Variants in TSHZ3 observed in about 807,000 individuals in gnomAD.
TSHZ3 encodes teashirt homolog 3.
A neutral mutation model predicts 64.5 loss-of-function variants in TSHZ3; 10 were observed. The ratio of observed to expected loss-of-function variants is 0.16; its 90% CI spans 0.10 to 0.26. The LOEUF (loss-of-function observed/expected upper bound fraction) is 0.26, where lower values mean the gene tolerates loss of function less well. Ranked by LOEUF, TSHZ3 falls within the 10% of genes least tolerant of loss-of-function variation. TSHZ3 has a pLI of 1.00. For missense variants in TSHZ3, 1,242 were observed against 1,421.7 expected, an observed-to-expected ratio of 0.87 and a Z score of 2.03; for synonymous variants, 608 against 593.1, an observed-to-expected ratio of 1.03 and a Z score of -0.36.
At chr19:31,235,565 A>G (rs1014862716) in intron 3 of TSHZ3, among the ~76,000 whole-genome samples, 8 of 150,562 alleles carry the variant, frequency 5.3e-5, no homozygotes, top group African/African-American at 2.0e-4. Flanking sequence ...TGTGTGTATC[A>G]CATTTTCTTT....
Position 31,278,392 on chromosome 19 carries a change from A to G in TSHZ3, c.1401T>C (p.Asn467=), listed in dbSNP as rs752821034. 5.6e-6 allele frequency: 9 copies of G among 1,613,786 alleles called. No individual in the cohort carries two copies. The highest frequency in any genetic ancestry group is 1.7e-5 in the Admixed American group (1 of 59,992). ...TGTCGACTTCCTTCTTGACCTCCAC[A>G]TTCAGTTTTGGGGAGATGCTGGCAG... ...NTPASISPKL[N]VEVKKEVDKE... is the part of the protein sequence containing the mutation. The change falls in exon 2 of 2, where the codon AAT becomes AAC. Residue 467 remains asparagine, a synonymous_variant. Coordinates refer to ENST00000240587, the MANE Select transcript of TSHZ3 (RefSeq NM_020856.4). This position sits in a 1 kb window ranked among gnomAD's most constrained non-coding sequence, Gnocchi z 4.7.
chr19:31,320,050 G>A (rs180875458), intron 1 of TSHZ3, among the ~76,000 whole-genome samples: 2 of 151,260 alleles, frequency 1.3e-5, no homozygotes, highest in Admixed American at 6.5e-5. Context: ...TGACGTATTA[G>A]GGAGCTCACA....
chr19:31,304,067 C>G (rs953163821), intron 1 of TSHZ3, among the ~76,000 whole-genome samples: 1 of 151,962 alleles, frequency 6.6e-6, no homozygotes, highest in Non-Finnish European at 1.5e-5. Flanking sequence ...CTCCGCCTCC[C>G]GGGTTCAAGT....
intron 5 of TSHZ3, among the ~76,000 whole-genome samples, chr19:31,203,796 T>C (rs529765502): frequency 8.6e-5 from 13 of 151,962 alleles, no homozygotes; most frequent in African/African-American, 2.2e-4. Flanking sequence ...CCTTTCTTCT[T>C]CCCTCTCTCC....
At chr19:31,242,120 T>A (rs1975698613) in intron 3 of TSHZ3, among the ~76,000 whole-genome samples, 1 of 152,244 alleles carries the variant, frequency 6.6e-6, no homozygotes, top group South Asian at 2.1e-4. Flanking sequence ...TCCTCTCACA[T>A]ATGGCAGCCC....
chr19:31,209,228 C>T (rs576534710), intron 4 of TSHZ3, among the ~76,000 whole-genome samples: 10 of 152,356 alleles, frequency 6.6e-5, no homozygotes, highest in African/African-American at 2.4e-4. Flanking sequence ...TGAAAATTAA[C>T]TGATAGTCTA....
chr19:31,181,944 T>C (rs1396823911), intron 5 of TSHZ3, among the ~76,000 whole-genome samples: 1 of 152,152 alleles, frequency 6.6e-6, no homozygotes, highest in Non-Finnish European at 1.5e-5. Flanking sequence ...CAGAAGGAAC[T>C]GGAGTCCTGG....
intron 4 of TSHZ3, among the ~76,000 whole-genome samples, chr19:31,205,262 A>G (rs1036607122): frequency 6.6e-6 from 1 of 152,166 alleles, no homozygotes; most frequent in Non-Finnish European, 1.5e-5. Context: ...CTGCGATACC[A>G]CAATTTTTAT....
chr19:31,297,513 A>G (rs565772248), intron 1 of TSHZ3, among the ~76,000 whole-genome samples: 1 of 152,046 alleles, frequency 6.6e-6, no homozygotes, highest in African/African-American at 2.4e-5. Context: ...GTCTTGTTCC[A>G]TTGCCCACGC....
chr19:31,269,742 A>AC lies in TSHZ3; in HGVS notation n.64-26868dup, dbSNP rs36000007. On this transcript the variant is annotated intron_variant and non_coding_transcript_variant, in intron 1 of 6. Coordinates refer to the TSHZ3 transcript ENST00000651361. ...TGAAATGCAGTAATTTAAAAACTTA[A>AC]CCCCCCCAAATTTAAGAAGTCATTT... is the stretch of plus-strand genomic sequence containing the variant. Among the ~76,000 whole-genome samples the AC allele has an allele frequency of 9.0e-4, 137 of 152,004 alleles. No homozygotes were observed. In the South Asian group the frequency reaches 0.026, roughly 29 times the overall value.
At chr19:31,263,478 C>G (rs1391612372) in intron 1 of TSHZ3, among the ~76,000 whole-genome samples, 33 of 152,214 alleles carry the variant, frequency 2.2e-4, no homozygotes, top group Admixed American at 2.2e-3. Context: ...GCTGCGAAGG[C>G]ATGAAGGAAA....
At chr19:31,201,488 A>G (rs559012081) in intron 5 of TSHZ3, among the ~76,000 whole-genome samples, 13 of 152,346 alleles carry the variant, frequency 8.5e-5, no homozygotes, top group African/African-American at 3.1e-4. Context: ...TAAGTCATAG[A>G]ATTTAATATG....
chr19:31,316,474 G>C (rs866489717), intron 1 of TSHZ3, among the ~76,000 whole-genome samples: 1 of 152,168 alleles, frequency 6.6e-6, no homozygotes, highest in African/African-American at 2.4e-5. Context: ...TACACAACAG[G>C]ATGCCACTTT....
At chr19:31,298,089 G>A (rs796436177) in intron 1 of TSHZ3, among the ~76,000 whole-genome samples, 18 of 152,094 alleles carry the variant, frequency 1.2e-4, no homozygotes, top group African/African-American at 4.1e-4. Context: ...AGGTGCTCAC[G>A]GACCTGTGAG....
At chr19:31,186,872 G>A (rs553032429) in intron 5 of TSHZ3, among the ~76,000 whole-genome samples, 3 of 152,054 alleles carry the variant, frequency 2.0e-5, no homozygotes, top group South Asian at 4.1e-4. Context: ...TTGTTCACAC[G>A]TTTTGCCTAT....
intron 1 of TSHZ3, among the ~76,000 whole-genome samples, chr19:31,285,216 C>A (rs1209994406): frequency 6.6e-6 from 1 of 152,164 alleles, no homozygotes. Flanking sequence ...TGCAGTAGCT[C>A]TTGTCTGTAA....
intron 3 of TSHZ3, among the ~76,000 whole-genome samples, chr19:31,234,345 T>C (rs1404765636): frequency 6.6e-6 from 1 of 152,236 alleles, no homozygotes; most frequent in Non-Finnish European, 1.5e-5. Context: ...TTTAAATATT[T>C]CTCTCCTTTT....
chr19:31,163,231 G>T (rs1974392745), intron 5 of TSHZ3, among the ~76,000 whole-genome samples: 1 of 152,200 alleles, frequency 6.6e-6, no homozygotes. Context: ...AGATGGGTGG[G>T]AGGGTAGATG....
chr19:31,318,185 T>C (rs1916659715), intron 1 of TSHZ3, among the ~76,000 whole-genome samples: 2 of 152,250 alleles, frequency 1.3e-5, no homozygotes, highest in Non-Finnish European at 1.5e-5. Flanking sequence ...CTTTGTGTTA[T>C]TGTAATTTTA....
Sources: allele counts gnomAD v4.1 joint callset (sites outside exome capture counted in the v4.1 genomes callset), GRCh38; gene constraint gnomAD v4.1.1; non-coding constraint Gnocchi (gnomAD v3.1); transcripts MANE v1.5; gene names NCBI Gene and HGNC (gene_info 2026-07-23, HGNC 2026-07-21).